The following WDR41 variants were observed in gnomAD, a reference collection of about 807,000 sequenced individuals.
WDR41 encodes WD repeat domain 41.
Under a neutral mutation model 69.3 loss-of-function variants are expected in WDR41, and 63 were observed. That is an observed-to-expected ratio of 0.91 (90% CI 0.74 to 1.12). The LOEUF is 1.12. WDR41 is among the 50% of genes most tolerant of loss of function. The pLI is 0.00. For synonymous variants in WDR41, 185 were observed against 192.1 expected (o/e 0.96, Z 0.31); for missense variants, 543 against 534.5 (o/e 1.02, Z -0.16).
At chr5:77,610,136 TC>T (rs1275385063) in intron 1 of WDR41, among the ~76,000 whole-genome samples, 20 of 150,320 alleles carry the variant, frequency 1.3e-4, no homozygotes, top group Admixed American at 4.0e-4. Context: ...GAACAAAGCC[TC>T]CAAGAAATAT....
intron 1 of WDR41, among the ~76,000 whole-genome samples, chr5:77,614,930 G>A (rs1175735435): frequency 6.6e-6 from 1 of 152,016 alleles, no homozygotes; most frequent in Non-Finnish European, 1.5e-5. Flanking sequence ...CATGGCAGGA[G>A]GAAGAGGGAA....
intron 4 of WDR41, among the ~76,000 whole-genome samples, chr5:77,460,612 A>G: frequency 6.6e-6 from 1 of 152,034 alleles, no homozygotes; most frequent in South Asian, 2.1e-4. Flanking sequence ...TTTTTTTTGG[A>G]TTTTGGAATA....
intron 1 of WDR41, chr5:77,582,761 C>T (rs976425920): frequency 1.2e-5 from 19 of 1,596,556 alleles, no homozygotes; most frequent in Non-Finnish European, 1.6e-5. Flanking sequence ...AACAAGGCTT[C>T]GATTAACATG....
intron 9 of WDR41, among the ~76,000 whole-genome samples, chr5:77,438,613 C>T (rs1799037884): frequency 6.6e-6 from 1 of 152,186 alleles, no homozygotes; most frequent in South Asian, 2.1e-4. Context: ...CCCTTAGCGC[C>T]ACTTCTTCCT....
chr5:77,574,459 T>C (rs762638412), intron 1 of WDR41, among the ~76,000 whole-genome samples: 1 of 152,178 alleles, frequency 6.6e-6, no homozygotes, highest in Non-Finnish European at 1.5e-5. Flanking sequence ...TCAGACATTA[T>C]AAGTGTTCTG....
chr5:77,539,065 T>G (rs530329829), intron 1 of WDR41, among the ~76,000 whole-genome samples: 1 of 152,116 alleles, frequency 6.6e-6, no homozygotes. Flanking sequence ...TGTATCTTCA[T>G]GGGAGGAGAG....
rs531325614 is a variant in WDR41 at position 77,528,014 on chromosome 5, G to A, written c.43-38442C>T. Among the ~76,000 whole-genome samples the A allele has an allele frequency of 3.3e-5, 5 of 151,602 alleles. No homozygotes were observed. In the East Asian group the frequency reaches 9.7e-4, roughly 29 times the overall value. ...GTAAGTATTAGTCACAAGAAGTTAG[G>A]AAAAGCACAGCAAATTAAAGTCAAA... On this transcript the variant is annotated intron_variant, in intron 1 of 5. Transcript: ENST00000509971.
chr5:77,445,351 A>G (rs1799339240), intron 8 of WDR41, among the ~76,000 whole-genome samples: 1 of 152,212 alleles, frequency 6.6e-6, no homozygotes, highest in African/African-American at 2.4e-5. Context: ...CCAGAGGTAC[A>G]AAGAGGAGCT....
At chr5:77,454,687 G>A (rs1331795005) in intron 5 of WDR41, among the ~76,000 whole-genome samples, 1 of 152,200 alleles carries the variant, frequency 6.6e-6, no homozygotes, top group Non-Finnish European at 1.5e-5. Flanking sequence ...AAGGGCAAGA[G>A]CGAGAGAGAA....
At chr5:77,542,411 G>T (rs1490098143) in intron 1 of WDR41, among the ~76,000 whole-genome samples, 1 of 152,108 alleles carries the variant, frequency 6.6e-6, no homozygotes, top group Non-Finnish European at 1.5e-5. Context: ...TGAACATCCT[G>T]CATGTGTATC....
chr5:77,444,747 G>C (rs1395889673), intron 8 of WDR41, among the ~76,000 whole-genome samples: 1 of 152,194 alleles, frequency 6.6e-6, no homozygotes, highest in African/African-American at 2.4e-5. Flanking sequence ...CATGGCTAAC[G>C]TGCCTATGTA....
intron 1 of WDR41, among the ~76,000 whole-genome samples, chr5:77,604,888 G>T (rs999915328): frequency 6.6e-6 from 1 of 151,598 alleles, no homozygotes; most frequent in South Asian, 2.1e-4. Context: ...ACAGAACAGG[G>T]AAACAGAATG....
At chr5:77,516,077 C>T (rs374518901) in intron 1 of WDR41, among the ~76,000 whole-genome samples, 3 of 152,114 alleles carry the variant, frequency 2.0e-5, no homozygotes, top group African/African-American at 7.2e-5. Context: ...GCTCTTGGTA[C>T]GTAGTTCCAA....
At chr5:77,567,235 G>A (rs915378548) in intron 1 of WDR41, among the ~76,000 whole-genome samples, 5 of 152,130 alleles carry the variant, frequency 3.3e-5, no homozygotes, top group East Asian at 1.9e-4. Context: ...TTTAATTTTA[G>A]TCAAGGTATT....
chr5:77,471,432 A>G (rs1800603077), intron 2 of WDR41, among the ~76,000 whole-genome samples: 1 of 152,246 alleles, frequency 6.6e-6, no homozygotes, highest in African/African-American at 2.4e-5. Context: ...AGATCAGAGC[A>G]GAACTGAAGG....
chr5:77,555,599 C>T (rs929842116), intron 1 of WDR41, among the ~76,000 whole-genome samples: 2 of 152,192 alleles, frequency 1.3e-5, no homozygotes, highest in East Asian at 1.9e-4. Context: ...TGTGAGCCAC[C>T]CCGCCTAGCC....
chr5:77,586,056 A>C (rs1421706403), intron 1 of WDR41, among the ~76,000 whole-genome samples: 1 of 152,148 alleles, frequency 6.6e-6, no homozygotes, highest in Non-Finnish European at 1.5e-5. Context: ...AAACTTCATA[A>C]GCCATGCAAG....
At chr5:77,491,774 G>C (rs1801800630) in intron 1 of WDR41, 1 of 202,040 alleles carries the variant, frequency 4.9e-6, no homozygotes, top group Non-Finnish European at 9.8e-6. Flanking sequence ...GTGGAAAGCT[G>C]CGGTCACAAC....
At chr5:77,484,154 C>A (rs1397833822) in intron 2 of WDR41, among the ~76,000 whole-genome samples, 1 of 152,172 alleles carries the variant, frequency 6.6e-6, no homozygotes, top group African/African-American at 2.4e-5. Context: ...CATGAAGCAG[C>A]AATTACCGTT....
Sources: gnomAD v4.1 joint callset for allele counts (sites outside exome capture counted in the v4.1 genomes callset) on GRCh38, gnomAD v4.1.1 for gene constraint, MANE v1.5 for transcripts, NCBI Gene and HGNC (gene_info 2026-07-23, HGNC 2026-07-21) for gene names.